Variants in CDH13 observed in about 807,000 individuals in gnomAD.
The protein encoded by CDH13 is cadherin 13, also known as cadherin-13.
In CDH13, 24 loss-of-function variants were observed where a neutral mutation model predicts 63.8. The ratio of observed to expected loss-of-function variants is 0.38; its 90% CI spans 0.27 to 0.53. The LOEUF (loss-of-function observed/expected upper bound fraction) is 0.53. Among genes scored for constraint, CDH13 ranks in the 20% least tolerant of loss-of-function variants. The probability of loss-of-function intolerance (pLI) is 0.85; values close to 1 mark genes in which losing one functional copy is unlikely to be tolerated. For missense variants in CDH13, 1,049 were observed against 903.1 expected, an observed-to-expected ratio of 1.16 and a Z score of -2.07; for synonymous variants, 503 against 355.3, an observed-to-expected ratio of 1.42 and a Z score of -4.67.
At chr16:83,601,479 A>G (rs1389913854) in intron 7 of CDH13, among the ~76,000 whole-genome samples, 6 of 152,214 alleles carry the variant, frequency 3.9e-5, no homozygotes, top group Non-Finnish European at 8.8e-5. Flanking sequence ...TCATTATTGG[A>G]TTAAATGCGT....
chr16:83,140,884 C>T (rs972746036), intron 4 of CDH13, among the ~76,000 whole-genome samples: 2 of 152,164 alleles, frequency 1.3e-5, no homozygotes, highest in African/African-American at 4.8e-5. Flanking sequence ...CCAAGAATGC[C>T]CAGCAATGTA....
At chr16:83,587,161 A>G (rs980407952) in intron 7 of CDH13, among the ~76,000 whole-genome samples, 2 of 152,216 alleles carry the variant, frequency 1.3e-5, no homozygotes, top group African/African-American at 2.4e-5. Context: ...GTAACCCTGC[A>G]TGGCAAAATT....
At chr16:83,349,271 G>C (rs1365325404) in intron 6 of CDH13, among the ~76,000 whole-genome samples, 1 of 152,214 alleles carries the variant, frequency 6.6e-6, no homozygotes, top group Middle Eastern at 3.2e-3. Context: ...TGTGAGTTTG[G>C]TGTTTTCTGA....
At chr16:83,476,160 C>A (rs974229616) in intron 6 of CDH13, among the ~76,000 whole-genome samples, 5 of 152,170 alleles carry the variant, frequency 3.3e-5, no homozygotes, top group African/African-American at 1.2e-4. Flanking sequence ...ACTCTTAATA[C>A]ATGCAAAGCA....
At chr16:82,893,426 A>G (rs1352789240) in intron 2 of CDH13, among the ~76,000 whole-genome samples, 2 of 152,228 alleles carry the variant, frequency 1.3e-5, no homozygotes, top group African/African-American at 2.4e-5. Flanking sequence ...AGAAATGTGG[A>G]CTGGGCCAAC....
chr16:83,204,460 G>A (rs1457791132), intron 4 of CDH13, among the ~76,000 whole-genome samples: 1 of 152,162 alleles, frequency 6.6e-6, no homozygotes, highest in African/African-American at 2.4e-5. Context: ...ATTTTAAACT[G>A]TTGAGCATAT....
chr16:83,234,243 GT>G (rs2040083706), intron 5 of CDH13, among the ~76,000 whole-genome samples: 2 of 152,186 alleles, frequency 1.3e-5, no homozygotes, highest in African/African-American at 4.8e-5. Context: ...TCTCATAAAT[GT>G]TACCTAGGTG....
intron 1 of CDH13, among the ~76,000 whole-genome samples, chr16:82,678,853 A>G (rs1247528346): frequency 6.6e-6 from 1 of 152,180 alleles, no homozygotes; most frequent in Non-Finnish European, 1.5e-5. Flanking sequence ...AAAAGAAAAC[A>G]ACTCTTTCAT....
intron 2 of CDH13, among the ~76,000 whole-genome samples, chr16:82,976,399 T>A (rs1406908791): frequency 6.6e-6 from 1 of 152,224 alleles, no homozygotes; most frequent in Admixed American, 6.5e-5. Flanking sequence ...GGTGGATTCC[T>A]ATGTCCTTTT....
At chr16:82,944,843 C>T (rs1383367266) in intron 2 of CDH13, among the ~76,000 whole-genome samples, 1 of 152,110 alleles carries the variant, frequency 6.6e-6, no homozygotes, top group African/African-American at 2.4e-5. Flanking sequence ...ACAACTTCTC[C>T]ATTCCCTACT....
Position 82,627,680 on chromosome 16 carries a change from C to T in CDH13, c.45+543C>T, listed in dbSNP as rs144046129. On this transcript the variant is annotated intron_variant, in intron 1 of 13. Transcript: ENST00000567109. ...TACAGCCCGGCTGCCCGCTGGAAGG[C>T]GCCTCGGGGCAGCAGAGAGCCTCAG... is the stretch of plus-strand genomic sequence containing the variant. Among the ~76,000 whole-genome samples the T allele has an allele frequency of 4.7e-3, 708 of 152,210 alleles. 3 individuals are homozygous for T. The highest frequency in any genetic ancestry group is 0.016 in the South Asian group (78 of 4,824).
rs553885893 is a variant in CDH13 at position 83,014,455 on chromosome 16, C to T, written c.158-17555C>T. On this transcript the variant is annotated intron_variant, in intron 2 of 13. Transcript: ENST00000567109. ...AGCCAGGTATAAAGGTATTTGTGGC[C>T]GACCATGGTGGCTTATGCCTGTAAT... Among the ~76,000 whole-genome samples the T allele has an allele frequency of 4.6e-5, 7 of 151,428 alleles. No individual in the cohort carries two copies. The East Asian group carries it at 5.8e-4, about 13-fold the overall frequency.
chr16:82,956,488 G>C (rs1425596072), intron 2 of CDH13, among the ~76,000 whole-genome samples: 1 of 151,404 alleles, frequency 6.6e-6, no homozygotes, highest in South Asian at 2.1e-4. Context: ...TAACATATCA[G>C]AGCCTTGCTC....
intron 4 of CDH13, among the ~76,000 whole-genome samples, chr16:83,128,088 A>T (rs2035890473): frequency 6.6e-6 from 1 of 152,198 alleles, no homozygotes; most frequent in Non-Finnish European, 1.5e-5. Flanking sequence ...CTTTTAGATA[A>T]TCCTGGGCTT....
chr16:83,661,810 C>G (rs923085468), intron 8 of CDH13, among the ~76,000 whole-genome samples: 1 of 152,178 alleles, frequency 6.6e-6, no homozygotes, highest in East Asian at 1.9e-4. Context: ...GGAAATATCT[C>G]ATAGGAAATG....
intron 2 of CDH13, among the ~76,000 whole-genome samples, chr16:83,025,478 G>A (rs1001127975): frequency 6.6e-6 from 1 of 152,178 alleles, no homozygotes; most frequent in Non-Finnish European, 1.5e-5. Context: ...GGGGAAGAAT[G>A]CCCATCAGAT....
chr16:83,580,448 TTCTCTCTCTCTCTCTC>T (rs55664829), intron 7 of CDH13, among the ~76,000 whole-genome samples: 3,380 of 76,330 alleles, frequency 0.044, 92 homozygotes, highest in African/African-American at 0.074. Flanking sequence ...TTCTGTTCAT[TTCTCTCTCTCTCTCTC>T]TCTCTCTCTC....
chr16:82,911,619 C>G (rs1315209072), intron 2 of CDH13, among the ~76,000 whole-genome samples: 2 of 152,166 alleles, frequency 1.3e-5, no homozygotes, highest in African/African-American at 4.8e-5. Context: ...TAACCCAAAA[C>G]AGATAATAAG....
chr16:82,970,344 T>C (rs1198132929), intron 2 of CDH13, among the ~76,000 whole-genome samples: 1 of 151,712 alleles, frequency 6.6e-6, no homozygotes, highest in Non-Finnish European at 1.5e-5. Flanking sequence ...GGCATTTGGG[T>C]TGGTTTCAAG....
Sources: gnomAD v4.1 joint callset for allele counts (sites outside exome capture counted in the v4.1 genomes callset) on GRCh38, gnomAD v4.1.1 for gene constraint, MANE v1.5 for transcripts, NCBI Gene and HGNC (gene_info 2026-07-23, HGNC 2026-07-21) for gene names.